SOS1: variants seen among roughly 807,000 people sequenced by gnomAD.
The protein encoded by SOS1 is son of sevenless homolog 1.
In SOS1, 25 loss-of-function variants were observed where a neutral mutation model predicts 157.6. The observed-to-expected ratio is 0.16, with a 90% CI of 0.12 to 0.22. The LOEUF is 0.22. SOS1 is among the 10% of genes least tolerant of loss of function. The pLI, the probability that SOS1 is intolerant of heterozygous loss-of-function variation, is 1.00. For missense variants in SOS1, 1,237 were observed against 1,599.1 expected (o/e 0.77, Z 3.86); for synonymous variants, 528 against 534.0 (o/e 0.99, Z 0.16).
At chr2:39,011,525 T>C (rs1046729187) in intron 14 of SOS1, among the ~76,000 whole-genome samples, 3 of 152,074 alleles carry the variant, frequency 2.0e-5, no homozygotes, top group Non-Finnish European at 4.4e-5. Context: ...AGAAATACGA[T>C]TTTCAGTGGG....
chr2:39,022,788 C>T lies in SOS1; in HGVS notation c.1640G>A (p.Arg547Gln), dbSNP rs149775695. Residue 547 changes from arginine (R) to glutamine (Q), a missense_variant, in exon 10 of 23, where the codon CGG becomes CAG. Coordinates refer to ENST00000402219, the MANE Select transcript of SOS1 (RefSeq NM_005633.4). ...WMAALISLQY[R>Q]STLERMLDVT... is the part of the protein sequence containing the mutation. Reference sequence around the variant, plus strand: ...ATCAAGCATCCTTTCCAGTGTACTCCGGTACTGTAAAGATATCAATGCTGC... The same window carrying T: ...ATCAAGCATCCTTTCCAGTGTACTCTGGTACTGTAAAGATATCAATGCTGC... 4.3e-6 allele frequency: 7 copies of T among 1,613,024 alleles called. No homozygotes were observed. The highest frequency in any genetic ancestry group is 2.7e-5 in the African/African-American group (2 of 74,854).
At chr2:39,042,956 T>C (rs754547609) in intron 6 of SOS1, among the ~76,000 whole-genome samples, 2 of 152,154 alleles carry the variant, frequency 1.3e-5, no homozygotes, top group Admixed American at 6.5e-5. Context: ...GCTATATAGA[T>C]AATTATATTG....
At chr2:39,050,004 T>C (rs1430206479) in intron 6 of SOS1, among the ~76,000 whole-genome samples, 1 of 152,226 alleles carries the variant, frequency 6.6e-6, no homozygotes, top group African/African-American at 2.4e-5. Flanking sequence ...CTTGAATGTC[T>C]ATTCCATTCC....
At chr2:39,035,562 T>C in intron 6 of SOS1, 62 bp from the exon 7 acceptor site, 1 of 1,214,472 alleles carries the variant, frequency 8.2e-7, no homozygotes, top group East Asian at 2.4e-5. Flanking sequence ...AAAGATTTAA[T>C]TATGGGGCAC....
At chr2:39,101,678 T>C (rs945700831) in intron 1 of SOS1, among the ~76,000 whole-genome samples, 8 of 148,918 alleles carry the variant, frequency 5.4e-5, no homozygotes, top group African/African-American at 1.6e-4. Flanking sequence ...AAACTAGCAA[T>C]GTCTCCTCCA....
At chr2:39,084,407 T>A (rs1347271715) in intron 1 of SOS1, among the ~76,000 whole-genome samples, 1 of 152,116 alleles carries the variant, frequency 6.6e-6, no homozygotes, top group Non-Finnish European at 1.5e-5. Context: ...AAGTATATAT[T>A]TATACACGAG....
chr2:39,111,985 C>G (rs72909679), intron 1 of SOS1, among the ~76,000 whole-genome samples: 4,294 of 152,100 alleles, frequency 0.028, 191 homozygotes, highest in African/African-American at 0.09. Context: ...CCTCCTTGGC[C>G]TCTATCTCTG....
intron 6 of SOS1, among the ~76,000 whole-genome samples, chr2:39,048,321 T>C (rs557167536): frequency 2.4e-4 from 36 of 152,328 alleles, no homozygotes; most frequent in African/African-American, 6.3e-4. Flanking sequence ...ACTGTTAACC[T>C]CTGTTGTTAA....
chr2:39,012,377 T>A, intron 13 of SOS1, 29 bp from the exon 14 acceptor site: 1 of 996,228 alleles, frequency 1.0e-6, no homozygotes, highest in Non-Finnish European at 1.4e-6. Context: ...TAAATAACAT[T>A]TAAATATTCT....
At chr2:39,035,765 C>T (rs1318401426) in intron 6 of SOS1, among the ~76,000 whole-genome samples, 1 of 152,108 alleles carries the variant, frequency 6.6e-6, no homozygotes, top group African/African-American at 2.4e-5. Flanking sequence ...GTATTATCAA[C>T]AAACATGGCC....
chr2:39,083,126 G>A (rs909511010), intron 1 of SOS1, among the ~76,000 whole-genome samples: 2 of 152,154 alleles, frequency 1.3e-5, no homozygotes, highest in Admixed American at 6.6e-5. Flanking sequence ...CAATGTTACA[G>A]ACCCTGAATG....
In SOS1 at chr2:39,007,976, T is replaced by C. The variant is rs1014599271; in HGVS notation, c.2511-783A>G. ...TGGTATTTGAACCAAGACTGGTCCC[T>C]CCCTTCTTTCTCCCAGCTCAGTGAG... On this transcript the variant is annotated intron_variant, in intron 15 of 22. Transcript: ENST00000402219. Among the ~76,000 whole-genome samples the C allele has an allele frequency of 2.6e-5, 4 of 152,248 alleles. No homozygotes were observed. In the South Asian group the frequency reaches 8.3e-4, roughly 32 times the overall value.
intron 22 of SOS1, among the ~76,000 whole-genome samples, 190 bp from the exon 23 acceptor site, chr2:38,986,505 G>A (rs1003724473): frequency 6.7e-6 from 1 of 149,630 alleles, no homozygotes; most frequent in African/African-American, 2.5e-5. Context: ...TTGCTCTATT[G>A]CCCAGACTGG....
At chr2:39,096,801 G>C (rs1672781561) in intron 1 of SOS1, among the ~76,000 whole-genome samples, 1 of 151,798 alleles carries the variant, frequency 6.6e-6, no homozygotes, top group South Asian at 2.1e-4. Flanking sequence ...CAGGAGAATG[G>C]TGTAAACCCA....
intron 1 of SOS1, among the ~76,000 whole-genome samples, chr2:39,117,343 T>C (rs991034973): frequency 6.6e-6 from 1 of 152,286 alleles, no homozygotes; most frequent in Non-Finnish European, 1.5e-5. Flanking sequence ...TTTACCTTTT[T>C]AGCCTGAGTG....
chr2:39,046,770 T>G (rs1471459621), intron 6 of SOS1, among the ~76,000 whole-genome samples: 1 of 152,190 alleles, frequency 6.6e-6, no homozygotes, highest in Non-Finnish European at 1.5e-5. Context: ...CCCAAAGTGC[T>G]GGGATTACAG....
upstream of SOS1, among the ~76,000 whole-genome samples, chr2:39,122,062 G>C (rs968867540): frequency 2.6e-5 from 4 of 152,178 alleles, no homozygotes; most frequent in African/African-American, 4.8e-5. Flanking sequence ...AACGAGAAAG[G>C]TTCAGTGGTT....
chr2:39,006,562 A>G, intron 16 of SOS1, 33 bp from the exon 17 acceptor site: 8 of 1,014,238 alleles, frequency 7.9e-6, no homozygotes, highest in Admixed American at 1.7e-5. Flanking sequence ...TAAGTTTACA[A>G]AAGGAATCAA....
chr2:39,118,512 C>A lies in SOS1; in HGVS notation c.87+1824G>T, dbSNP rs115945888. Among the ~76,000 whole-genome samples, 361 of 152,286 alleles carry A rather than the reference C, an allele frequency of 2.4e-3. 3 individuals carry two copies. Among genetic ancestry groups the A allele is most frequent in the African/African-American group, 8.0e-3 (331 of 41,558 alleles). Reference sequence around the variant, plus strand: ...GCTAGATTATGTACACTTCCACCTCCTCCTATCACTTCTACTGCAAAAGTA... The same window carrying A: ...GCTAGATTATGTACACTTCCACCTCATCCTATCACTTCTACTGCAAAAGTA... On this transcript the variant is annotated intron_variant, in intron 1 of 22. Transcript: ENST00000402219.
Sources: gnomAD v4.1 joint callset for allele counts (sites outside exome capture counted in the v4.1 genomes callset) on GRCh38, gnomAD v4.1.1 for gene constraint, MANE v1.5 for transcripts, NCBI Gene and HGNC (gene_info 2026-07-23, HGNC 2026-07-21) for gene names.